Variants in KLF12 observed in about 807,000 individuals in gnomAD.
KLF12 encodes KLF transcription factor 12.
In KLF12, 9 loss-of-function variants were observed where a neutral mutation model predicts 37.8. That is an observed-to-expected ratio of 0.24 (90% CI 0.14 to 0.42). KLF12 has a LOEUF of 0.42. Among genes scored for constraint, KLF12 ranks in the 10% least tolerant of loss-of-function variants. The pLI, the probability that KLF12 is intolerant of heterozygous loss-of-function variation, is 1.00. For synonymous variants in KLF12, 208 were observed against 202.1 expected, an observed-to-expected ratio of 1.03 and a Z score of -0.25; for missense variants, 411 against 516.0, an observed-to-expected ratio of 0.80 and a Z score of 1.97.
the KLF12 span, among the ~76,000 whole-genome samples, chr13:74,217,610 C>T: frequency 6.6e-6 from 1 of 152,014 alleles, no homozygotes; most frequent in Non-Finnish European, 1.5e-5. Flanking sequence ...ACCTGTTATC[C>T]CAGCTACTCA....
intron 1 of KLF12, among the ~76,000 whole-genome samples, chr13:74,108,411 G>C (rs1213369458): frequency 1.3e-5 from 2 of 152,180 alleles, no homozygotes; most frequent in East Asian, 3.9e-4. Flanking sequence ...AACTCTTTAA[G>C]AGCAAGAAAT....
chr13:73,845,762 G>T, intron 4 of KLF12, 65 bp downstream of exon 4: 6 of 1,449,226 alleles, frequency 4.1e-6, no homozygotes, highest in African/African-American at 1.4e-5. Context: ...TTTAGGTTTT[G>T]TTCACTGCAA....
chr13:73,961,954 T>A (rs1180246819), intron 2 of KLF12: 1 of 449,678 alleles, frequency 2.2e-6, no homozygotes, highest in Non-Finnish European at 4.5e-6. Flanking sequence ...AAACTAAATA[T>A]ATTCTTACCA....
At chr13:73,987,318 A>G (rs1459709565) in intron 2 of KLF12, among the ~76,000 whole-genome samples, 1 of 152,174 alleles carries the variant, frequency 6.6e-6, no homozygotes, top group Non-Finnish European at 1.5e-5. Context: ...CTGTTGATAC[A>G]TAAAACTATA....
At chr13:73,722,841 AAAC>A (rs1288112237) in intron 6 of KLF12, among the ~76,000 whole-genome samples, 2 of 152,236 alleles carry the variant, frequency 1.3e-5, no homozygotes, top group Non-Finnish European at 2.9e-5. Context: ...TTACTTTAAT[AAAC>A]AAAGTTTCCT....
chr13:73,986,485 C>A (rs533406726), intron 2 of KLF12, among the ~76,000 whole-genome samples: 55 of 152,244 alleles, frequency 3.6e-4, no homozygotes, highest in Non-Finnish European at 6.9e-4. Context: ...GTAACATGTA[C>A]CTGCAATCAC....
At chr13:74,204,346 T>A in the KLF12 span, among the ~76,000 whole-genome samples, 1 of 152,150 alleles carries the variant, frequency 6.6e-6, no homozygotes, top group African/African-American at 2.4e-5. Flanking sequence ...GTTACAGGGA[T>A]ATATTTTGTA....
intron 3 of KLF12, among the ~76,000 whole-genome samples, chr13:73,915,689 ATT>A (rs140697314): frequency 0.5 from 49,017 of 98,656 alleles, 10,228 homozygotes; most frequent in Middle Eastern, 0.61. Flanking sequence ...ATTTTTTTGT[ATT>A]TTTTTTTTTT....
intron 1 of KLF12, among the ~76,000 whole-genome samples, chr13:73,996,555 C>G (rs1351932318): frequency 6.6e-6 from 1 of 152,180 alleles, no homozygotes; most frequent in Non-Finnish European, 1.5e-5. Flanking sequence ...CTTAATAATG[C>G]TTAATCCAAA....
chr13:73,881,693 C>T (rs76481003), intron 3 of KLF12, among the ~76,000 whole-genome samples: 40 of 152,128 alleles, frequency 2.6e-4, no homozygotes, highest in African/African-American at 9.4e-4. Context: ...AGTTGTTTAT[C>T]AGATAGAGCT....
chr13:74,241,791 C>T, the KLF12 span, among the ~76,000 whole-genome samples: 1 of 152,216 alleles, frequency 6.6e-6, no homozygotes, highest in Admixed American at 6.5e-5. Context: ...CAATGCCTCG[C>T]CCTGCTTCGG....
intron 4 of KLF12, among the ~76,000 whole-genome samples, chr13:73,824,509 C>T (rs2138527333): frequency 6.6e-6 from 1 of 152,248 alleles, no homozygotes; most frequent in East Asian, 1.9e-4. Flanking sequence ...AGGATTGTCC[C>T]ATCCTATGGT....
chr13:73,923,053 T>C (rs1889195573), intron 3 of KLF12, among the ~76,000 whole-genome samples: 2 of 152,242 alleles, frequency 1.3e-5, no homozygotes, highest in Admixed American at 1.3e-4. Flanking sequence ...GTCATTTAAA[T>C]GCCAATTTTC....
At chr13:74,305,508 C>T in the KLF12 span, among the ~76,000 whole-genome samples, 1 of 151,980 alleles carries the variant, frequency 6.6e-6, no homozygotes, top group Non-Finnish European at 1.5e-5. Flanking sequence ...GTCTTACTCT[C>T]TCTTTTTTTT....
the KLF12 span, among the ~76,000 whole-genome samples, chr13:74,153,530 C>T: frequency 6.6e-6 from 1 of 152,136 alleles, no homozygotes; most frequent in Non-Finnish European, 1.5e-5. Context: ...TTTTCATCTT[C>T]CTTGTTCCAA....
rs1189602008 is a variant in KLF12, at chr13:74,091,488, T to A, written c.-32+42251A>T. On this transcript the variant is annotated intron_variant, in intron 1 of 7. Coordinates refer to ENST00000377669, the MANE Select transcript of KLF12 (RefSeq NM_007249.5). ...GTGATATGCATGTAAGTTTCCTCTA[T>A]GTCTTGTCATGGCTTAATATTTCAT... is the stretch of plus-strand genomic sequence containing the variant. Among the ~76,000 whole-genome samples the A allele has an allele frequency of 2.0e-5, 3 of 152,242 alleles. No individual in the cohort carries two copies. The South Asian group carries it at 6.2e-4, about 32-fold the overall frequency.
chr13:73,742,884 G>C (rs1340095618), intron 6 of KLF12, among the ~76,000 whole-genome samples: 1 of 152,108 alleles, frequency 6.6e-6, no homozygotes, highest in Non-Finnish European at 1.5e-5. Context: ...AGCCACAAGA[G>C]AAAATAATAA....
intron 1 of KLF12, among the ~76,000 whole-genome samples, chr13:74,064,169 T>C (rs1271744241): frequency 1.3e-5 from 2 of 152,166 alleles, no homozygotes; most frequent in Admixed American, 6.5e-5. Flanking sequence ...TAAATACCAC[T>C]GCCATCTTGC....
At chr13:74,132,476 G>A (rs1207798264) in intron 1 of KLF12, among the ~76,000 whole-genome samples, 2 of 152,170 alleles carry the variant, frequency 1.3e-5, no homozygotes, top group East Asian at 3.8e-4. Flanking sequence ...TAAAATATCA[G>A]AGTGCTCGCC....
Sources: allele counts gnomAD v4.1 joint callset (sites outside exome capture counted in the v4.1 genomes callset), GRCh38; gene constraint gnomAD v4.1.1; transcripts MANE v1.5; gene names NCBI Gene and HGNC (gene_info 2026-07-23, HGNC 2026-07-21).